The following AK9 variants were observed in gnomAD, a reference collection of about 807,000 sequenced individuals.
The protein encoded by AK9 is adenylate kinase domain containing 1.
Under a neutral mutation model 239.6 loss-of-function variants are expected in AK9, and 191 were observed. That is an observed-to-expected ratio of 0.80 (90% CI 0.71 to 0.90). AK9 has a LOEUF of 0.90. Among genes scored for constraint, AK9 ranks in the 40% least tolerant of loss-of-function variants. The pLI is 0.00. For missense variants in AK9, 1,995 were observed against 2,214.7 expected (o/e 0.90, Z 1.99); for synonymous variants, 689 against 721.0 (o/e 0.96, Z 0.71).
At chr6:109,656,354 G>A (rs1306040091) in intron 8 of AK9, among the ~76,000 whole-genome samples, 1 of 152,112 alleles carries the variant, frequency 6.6e-6, no homozygotes, top group African/African-American at 2.4e-5. Context: ...TCTTTAGATT[G>A]CAATTTAACT....
At chr6:109,583,067 G>A (rs887094167) in intron 19 of AK9, among the ~76,000 whole-genome samples, 2 of 152,174 alleles carry the variant, frequency 1.3e-5, no homozygotes, top group Non-Finnish European at 2.9e-5. Flanking sequence ...ACAATATTGT[G>A]TAAACATAAC....
chr6:109,622,077 A>G (rs1409003016), intron 12 of AK9, among the ~76,000 whole-genome samples: 1 of 146,932 alleles, frequency 6.8e-6, no homozygotes, highest in Admixed American at 6.9e-5. Context: ...TATATTATCT[A>G]TATATGTGTA....
intron 19 of AK9, among the ~76,000 whole-genome samples, chr6:109,583,833 C>T (rs928240401): frequency 5.3e-5 from 8 of 152,120 alleles, no homozygotes; most frequent in Non-Finnish European, 2.9e-5. Flanking sequence ...CTCCAGTCTA[C>T]AAATCACATC....
chr6:109,659,705 G>T (rs1284781684), intron 6 of AK9, among the ~76,000 whole-genome samples: 1 of 152,034 alleles, frequency 6.6e-6, no homozygotes. Context: ...GTAGAGAAAT[G>T]GAATAGAAAA....
intron 17 of AK9, among the ~76,000 whole-genome samples, chr6:109,588,446 GT>G (rs1374839666): frequency 6.6e-6 from 1 of 152,100 alleles, no homozygotes; most frequent in Non-Finnish European, 1.5e-5. Context: ...GGGGTTATTT[GT>G]TTTTCTCTTC....
rs184832938 is a variant in AK9 at position 109,612,634 on chromosome 6, G to A, written c.1610-541C>T. Among the ~76,000 whole-genome samples, 329 of 152,142 alleles carry A rather than the reference G, an allele frequency of 2.2e-3. 1 individual carries two copies. Among genetic ancestry groups the A allele is most frequent in the Non-Finnish European group, 3.5e-3 (241 of 68,002 alleles). On this transcript the variant is annotated intron_variant, in intron 15 of 40. Coordinates refer to ENST00000424296, the MANE Select transcript of AK9 (RefSeq NM_001145128.3). ...TGATGGTCAAAAATTTAATGTATAG[G>A]GGGTGGGGTCGTTCTGTGAAGGCTG...
intron 17 of AK9, among the ~76,000 whole-genome samples, chr6:109,598,440 A>G (rs1791385632): frequency 6.6e-6 from 1 of 152,170 alleles, no homozygotes; most frequent in Non-Finnish European, 1.5e-5. Context: ...TCCATGGTGT[A>G]TATGTGCCAC....
intron 8 of AK9, among the ~76,000 whole-genome samples, chr6:109,649,778 G>A (rs111878984): frequency 1.3e-5 from 2 of 152,042 alleles, no homozygotes; most frequent in Admixed American, 6.6e-5. Flanking sequence ...CATCGCCAAG[G>A]CAATCCTAAG....
At chr6:109,525,552 G>A (rs976916622) in intron 29 of AK9, among the ~76,000 whole-genome samples, 2 of 152,162 alleles carry the variant, frequency 1.3e-5, no homozygotes, top group African/African-American at 2.4e-5. Flanking sequence ...ACGAGCATAT[G>A]AAAAAATGCT....
intron 17 of AK9, among the ~76,000 whole-genome samples, chr6:109,586,538 A>G (rs546909983): frequency 3.9e-5 from 6 of 152,312 alleles, no homozygotes; most frequent in African/African-American, 1.4e-4. Flanking sequence ...CCTAGAGTCT[A>G]CATTTCTAAC....
At chr6:109,609,960 C>A (rs1793375283) in intron 17 of AK9, among the ~76,000 whole-genome samples, 1 of 151,954 alleles carries the variant, frequency 6.6e-6, no homozygotes, top group South Asian at 2.1e-4. Flanking sequence ...AACACATGTT[C>A]AAGTTGGTTG....
intron 17 of AK9, among the ~76,000 whole-genome samples, chr6:109,590,787 A>AT (rs1790125911): frequency 6.6e-6 from 1 of 152,222 alleles, no homozygotes; most frequent in South Asian, 2.1e-4. Flanking sequence ...TCCAACAATC[A>AT]TTCAGGAGCA....
chr6:109,609,894 T>C (rs1009053156), intron 17 of AK9, among the ~76,000 whole-genome samples: 2 of 151,460 alleles, frequency 1.3e-5, no homozygotes, highest in Admixed American at 1.3e-4. Flanking sequence ...CATTTGAGGA[T>C]TTTTTTTTCC....
At position 109,533,248 on chromosome 6, in the gene AK9, T is replaced by TA. The variant is rs1562364273; in HGVS notation, c.3570+2dup. On this transcript the variant is annotated splice_region_variant and intron_variant, in intron 28 of 40. Coordinates refer to ENST00000424296, the MANE Select transcript of AK9 (RefSeq NM_001145128.3). Reference sequence around the variant, plus strand: ...ATTCAATGCATTTTTGCTAGATACATACCCTGATTTTTGCCTTCATGTCTT... The same window carrying TA: ...ATTCAATGCATTTTTGCTAGATACATAACCCTGATTTTTGCCTTCATGTCTT... The TA allele has an allele frequency of 6.2e-7, 1 of 1,600,914 alleles. No individual in the cohort carries two copies. Among genetic ancestry groups the TA allele is most frequent in the Admixed American group, 1.7e-5 (1 of 58,326 alleles).
intron 15 of AK9, among the ~76,000 whole-genome samples, chr6:109,613,205 G>A (rs6914498): frequency 0.3 from 44,729 of 151,142 alleles, 7,083 homozygotes; most frequent in Middle Eastern, 0.41. Flanking sequence ...GCAAAAATAT[G>A]AAAAATACCT....
intron 8 of AK9, among the ~76,000 whole-genome samples, chr6:109,646,536 GAA>G (rs557721816): frequency 6.6e-6 from 1 of 151,580 alleles, no homozygotes; most frequent in African/African-American, 2.4e-5. Flanking sequence ...AAGAAGTTTA[GAA>G]AAAAAAGAGT....
At chr6:109,653,067 T>C (rs1412550059) in intron 8 of AK9, among the ~76,000 whole-genome samples, 2 of 151,968 alleles carry the variant, frequency 1.3e-5, no homozygotes, top group Admixed American at 6.6e-5. Flanking sequence ...GCTGGGATTA[T>C]AGGTGCCTGC....
chr6:109,655,264 T>C (rs955206350), intron 8 of AK9, among the ~76,000 whole-genome samples: 5 of 152,212 alleles, frequency 3.3e-5, no homozygotes, highest in African/African-American at 1.2e-4. Context: ...AAATGATATT[T>C]CATTACTTAG....
At chr6:109,643,966 T>C (rs7356790) in intron 9 of AK9, among the ~76,000 whole-genome samples, 13,010 of 152,204 alleles carry the variant, frequency 0.085, 900 homozygotes, top group African/African-American at 0.19. Context: ...TTTGTCTTTA[T>C]GCTATGAACT....
Sources: allele counts gnomAD v4.1 joint callset (sites outside exome capture counted in the v4.1 genomes callset), GRCh38; gene constraint gnomAD v4.1.1; transcripts MANE v1.5; gene names NCBI Gene and HGNC (gene_info 2026-07-23, HGNC 2026-07-21).